The following COL19A1 variants were observed in gnomAD, a reference collection of about 807,000 sequenced individuals.
COL19A1 encodes collagen type XIX alpha 1 chain, also known as collagen alpha-1(XIX) chain.
A neutral mutation model predicts 190.2 loss-of-function variants in COL19A1; 159 were observed. That is an observed-to-expected ratio of 0.84 (90% CI 0.73 to 0.95). The LOEUF (loss-of-function observed/expected upper bound fraction) is 0.95, where lower values mean the gene tolerates loss of function less well. Among genes scored for constraint, COL19A1 ranks in the 40% least tolerant of loss-of-function variants. The pLI, the probability that COL19A1 is intolerant of heterozygous loss-of-function variation, is 0.00. For synonymous variants in COL19A1, 509 were observed against 458.9 expected, an observed-to-expected ratio of 1.11 and a Z score of -1.39; for missense variants, 1,418 against 1,431.9, an observed-to-expected ratio of 0.99 and a Z score of 0.16.
chr6:69,923,292 C>G lies in COL19A1; in HGVS notation c.267-4617C>G, dbSNP rs79192442. Among the ~76,000 whole-genome samples, 144 of 152,266 alleles carry G rather than the reference C, an allele frequency of 9.5e-4. 2 individuals carry two copies. In the East Asian group the frequency reaches 0.025, roughly 26 times the overall value. ...TAACTTGTCCTATTCATATCCCTCT[C>G]TCTCCAACACATGGTAGGCTTGAAA... is the stretch of plus-strand genomic sequence containing the variant. On this transcript the variant is annotated intron_variant, in intron 4 of 50. Transcript: ENST00000620364.
chr6:70,094,621 T>A (rs1783129269), intron 15 of COL19A1, among the ~76,000 whole-genome samples: 1 of 152,224 alleles, frequency 6.6e-6, no homozygotes, highest in Non-Finnish European at 1.5e-5. Context: ...GTCCATTATT[T>A]GCATTCTTCT....
At chr6:69,981,615 T>C (rs1185096223) in intron 11 of COL19A1, among the ~76,000 whole-genome samples, 2 of 151,916 alleles carry the variant, frequency 1.3e-5, no homozygotes, top group Non-Finnish European at 2.9e-5. Context: ...GTATGATTTA[T>C]TGTCTTACTT....
At chr6:69,942,829 A>G (rs1266141852) in intron 9 of COL19A1, among the ~76,000 whole-genome samples, 1 of 151,472 alleles carries the variant, frequency 6.6e-6, no homozygotes, top group Non-Finnish European at 1.5e-5. Flanking sequence ...GATTCCATGT[A>G]TTAGCGATTG....
At position 70,188,206 on chromosome 6, in the gene COL19A1, C is replaced by T. The variant is rs138920553; in HGVS notation, c.2988C>T (p.His996=). ...AGGGCTCCATGGGATCCCCTGGCCA[C>T]CAAGGCCCTCCAGGCTCTCCAGGCA... The part of the protein sequence containing the change: ...GNKGSMGSPG[H]QGPPGSPGIP... Residue 996 remains histidine, a synonymous_variant, in exon 47 of 51, where the codon CAC becomes CAT. Transcript: ENST00000620364. 3.7e-5 allele frequency: 59 copies of T among 1,612,572 alleles called. No individual in the cohort carries two copies. The highest frequency in any genetic ancestry group is 4.7e-5 in the Non-Finnish European group (55 of 1,179,496).
intron 14 of COL19A1, among the ~76,000 whole-genome samples, chr6:70,057,331 G>C (rs1381997188): frequency 3.9e-5 from 6 of 152,042 alleles, no homozygotes; most frequent in Admixed American, 6.6e-5. Flanking sequence ...ACAAAGCTTA[G>C]AGTTAACTGA....
chr6:70,171,769 C>A (rs1033378381), intron 40 of COL19A1, among the ~76,000 whole-genome samples, 195 bp from the exon 41 acceptor site: 1 of 152,116 alleles, frequency 6.6e-6, no homozygotes, highest in African/African-American at 2.4e-5. Context: ...TGGAGAATAG[C>A]TTTTATTCTC....
chr6:70,059,262 A>G (rs1367706600), intron 14 of COL19A1, among the ~76,000 whole-genome samples: 1 of 152,136 alleles, frequency 6.6e-6, no homozygotes, highest in Non-Finnish European at 1.5e-5. Context: ...ATTCCTGGCA[A>G]GGGAGTGCAT....
At chr6:70,026,795 G>A (rs534886744) in intron 12 of COL19A1, among the ~76,000 whole-genome samples, 6 of 152,216 alleles carry the variant, frequency 3.9e-5, no homozygotes, top group East Asian at 3.9e-4. Flanking sequence ...GATAGTATTC[G>A]TATTTTCAGA....
At chr6:70,124,942 T>A (rs932845270) in intron 17 of COL19A1, among the ~76,000 whole-genome samples, 11 of 151,980 alleles carry the variant, frequency 7.2e-5, no homozygotes, top group Admixed American at 3.3e-4. Context: ...GGACCCACTT[T>A]CCCAGCACCC....
intron 15 of COL19A1, among the ~76,000 whole-genome samples, chr6:70,070,371 C>A (rs1416515486): frequency 6.6e-6 from 1 of 151,968 alleles, no homozygotes. Flanking sequence ...TGCGTATAGT[C>A]CAGATAATTT....
At chr6:70,035,825 T>C in intron 13 of COL19A1, 79 bp from the exon 14 acceptor site, 1 of 1,185,538 alleles carries the variant, frequency 8.4e-7, no homozygotes, top group Non-Finnish European at 1.2e-6. Context: ...TATATATTGC[T>C]TCTATCCACC....
chr6:70,087,192 C>T (rs1782639096), intron 15 of COL19A1, among the ~76,000 whole-genome samples: 1 of 152,066 alleles, frequency 6.6e-6, no homozygotes, highest in African/African-American at 2.4e-5. Context: ...AAAACCTCTG[C>T]CCTCATGGAA....
intron 15 of COL19A1, among the ~76,000 whole-genome samples, chr6:70,079,861 T>C (rs1477196685): frequency 6.6e-6 from 1 of 152,140 alleles, no homozygotes; most frequent in Non-Finnish European, 1.5e-5. Context: ...TCTTTTTTTC[T>C]CATAAGTGTA....
chr6:69,905,185 A>G (rs942299888), intron 4 of COL19A1, among the ~76,000 whole-genome samples: 1 of 152,224 alleles, frequency 6.6e-6, no homozygotes, highest in African/African-American at 2.4e-5. Flanking sequence ...ACTACGCCAG[A>G]TGTTATGCTG....
intron 12 of COL19A1, among the ~76,000 whole-genome samples, chr6:70,030,703 T>A (rs994724192): frequency 6.6e-6 from 1 of 152,218 alleles, no homozygotes; most frequent in African/African-American, 2.4e-5. Flanking sequence ...AACCTTTTTT[T>A]AATAAATTTC....
intron 24 of COL19A1, 133 bp downstream of exon 24, chr6:70,144,396 T>C: frequency 1.4e-6 from 1 of 712,226 alleles, no homozygotes; most frequent in Non-Finnish European, 2.3e-6. Context: ...ACAATGTAAA[T>C]GGCACCCCCT....
intron 11 of COL19A1, among the ~76,000 whole-genome samples, chr6:69,969,075 A>T (rs1451152329): frequency 2.0e-5 from 3 of 152,180 alleles, no homozygotes; most frequent in Admixed American, 6.5e-5. Flanking sequence ...AATAAAGTTA[A>T]TTACTACCTC....
At chr6:70,206,085 C>A (rs895111945) in intron 49 of COL19A1, among the ~76,000 whole-genome samples, 2 of 152,192 alleles carry the variant, frequency 1.3e-5, no homozygotes, top group Non-Finnish European at 2.9e-5. Context: ...CTCTTGCTAT[C>A]ATTTATTAGA....
At chr6:69,930,743 G>A (rs1183889290) in intron 6 of COL19A1, among the ~76,000 whole-genome samples, 1 of 152,126 alleles carries the variant, frequency 6.6e-6, no homozygotes, top group African/African-American at 2.4e-5. Flanking sequence ...AGGTTACAAT[G>A]AGCCAAGATC....
Sources: allele counts gnomAD v4.1 joint callset (sites outside exome capture counted in the v4.1 genomes callset), GRCh38; gene constraint gnomAD v4.1.1; transcripts MANE v1.5; gene names NCBI Gene and HGNC (gene_info 2026-07-23, HGNC 2026-07-21).